The following AKR1E2 variants were observed in gnomAD, a reference collection of about 807,000 sequenced individuals.
The protein encoded by AKR1E2 is 1,5-anhydro-D-fructose reductase.
Under a neutral mutation model 41.9 loss-of-function variants are expected in AKR1E2, and 43 were observed. The ratio of observed to expected loss-of-function variants is 1.03; its 90% CI spans 0.80 to 1.32. The LOEUF is 1.32. AKR1E2 is among the 40% of genes most tolerant of loss of function. The pLI, the probability that AKR1E2 is intolerant of heterozygous loss-of-function variation, is 0.00. For synonymous variants in AKR1E2, 121 were observed against 138.9 expected (o/e 0.87, Z 0.91); for missense variants, 423 against 396.5 (o/e 1.07, Z -0.57).
chr10:4,826,839 G>A lies in AKR1E2; in HGVS notation c.39+476G>A, dbSNP rs140523578. ...GCTTGTAATCCCAGCACTTTGGGAGGCCGAGGCAGTAGGATCGCCTGAGCT... is the reference window on the plus strand; with the variant it reads ...GCTTGTAATCCCAGCACTTTGGGAGACCGAGGCAGTAGGATCGCCTGAGCT... On this transcript the variant is annotated intron_variant, in intron 1 of 9. Transcript: ENST00000298375. Among the ~76,000 whole-genome samples the A allele has an allele frequency of 2.2e-3, 340 of 152,236 alleles. 3 individuals carry two copies. The highest frequency in any genetic ancestry group is 8.0e-3 in the African/African-American group (332 of 41,558).
chr10:4,857,242 T>C, the AKR1E2 span, among the ~76,000 whole-genome samples: 1 of 152,302 alleles, frequency 6.6e-6, no homozygotes, highest in East Asian at 1.9e-4. Flanking sequence ...CCAAATCTCA[T>C]GTTCAATTGT....
At chr10:4,864,140 C>T in the AKR1E2 span, among the ~76,000 whole-genome samples, 10 of 152,118 alleles carry the variant, frequency 6.6e-5, no homozygotes, top group Admixed American at 6.5e-5. Context: ...ATACCAAAGC[C>T]TGGCAGAGAC....
At chr10:4,842,563 A>C in intron 8 of AKR1E2, 59 bp downstream of exon 8, 1 of 1,500,840 alleles carries the variant, frequency 6.7e-7, no homozygotes, top group Non-Finnish European at 9.3e-7. Flanking sequence ...ATGGGAAGGG[A>C]TGACTGCTGT....
At chr10:4,854,856 T>C in the AKR1E2 span, among the ~76,000 whole-genome samples, 1 of 151,826 alleles carries the variant, frequency 6.6e-6, no homozygotes, top group African/African-American at 2.4e-5. Context: ...TAAGGAGGGT[T>C]AGAGGCCCCT....
intron 8 of AKR1E2, 107 bp from the exon 9 acceptor site, chr10:4,847,041 C>T: frequency 3.3e-6 from 4 of 1,217,812 alleles, no homozygotes; most frequent in Non-Finnish European, 4.6e-6. Flanking sequence ...GTTTGTTTTA[C>T]ATCTTTGTGT....
intron 8 of AKR1E2, among the ~76,000 whole-genome samples, chr10:4,845,021 G>A (rs1457861980): frequency 3.3e-5 from 5 of 152,198 alleles, no homozygotes; most frequent in Non-Finnish European, 5.9e-5. Flanking sequence ...GGTCAGGGGA[G>A]GCTCAGGCAT....
chr10:4,827,656 A>G (rs1832653923), intron 1 of AKR1E2, among the ~76,000 whole-genome samples: 1 of 152,230 alleles, frequency 6.6e-6, no homozygotes, highest in Admixed American at 6.5e-5. Context: ...GAAGTCATAT[A>G]GGAAGTTAGT....
At chr10:4,855,462 G>T in the AKR1E2 span, among the ~76,000 whole-genome samples, 1 of 152,022 alleles carries the variant, frequency 6.6e-6, no homozygotes, top group African/African-American at 2.4e-5. Context: ...ACCGGATGAG[G>T]TTTCCCCCTT....
At chr10:4,867,193 T>TAG in the AKR1E2 span, among the ~76,000 whole-genome samples, 5 of 152,094 alleles carry the variant, frequency 3.3e-5, no homozygotes, top group Non-Finnish European at 5.9e-5. Context: ...CAAGATGGAG[T>TAG]CAGTTAAGTT....
At chr10:4,868,518 G>A in the AKR1E2 span, among the ~76,000 whole-genome samples, 1 of 152,166 alleles carries the variant, frequency 6.6e-6, no homozygotes, top group Non-Finnish European at 1.5e-5. Flanking sequence ...AATGGAAACA[G>A]TTTTCTTTCT....
At chr10:4,842,715 G>A (rs1588474425) in intron 8 of AKR1E2, among the ~76,000 whole-genome samples, 1 of 152,124 alleles carries the variant, frequency 6.6e-6, no homozygotes, top group African/African-American at 2.4e-5. Flanking sequence ...CTAGGGTGTT[G>A]GTGTCTTCTC....
chr10:4,850,466 G>A (rs890700753), downstream of AKR1E2, among the ~76,000 whole-genome samples: 3 of 152,328 alleles, frequency 2.0e-5, no homozygotes, highest in Admixed American at 2.0e-4. Context: ...GGGGAGGATG[G>A]CAGGGCCTCG....
At chr10:4,863,670 G>A in the AKR1E2 span, among the ~76,000 whole-genome samples, 4 of 151,744 alleles carry the variant, frequency 2.6e-5, no homozygotes, top group East Asian at 3.9e-4. Context: ...ATGAATCCAG[G>A]AGCTGGTTTT....
chr10:4,854,679 G>T, the AKR1E2 span, among the ~76,000 whole-genome samples: 337 of 152,276 alleles, frequency 2.2e-3, no homozygotes, highest in Admixed American at 4.8e-3. Flanking sequence ...CTACAGCAGT[G>T]ATCAGCGGAC....
At chr10:4,868,330 C>T in the AKR1E2 span, among the ~76,000 whole-genome samples, 1 of 152,140 alleles carries the variant, frequency 6.6e-6, no homozygotes, top group African/African-American at 2.4e-5. Flanking sequence ...CAGAGTTTCT[C>T]TCATCCATTA....
At chr10:4,854,396 C>T in the AKR1E2 span, among the ~76,000 whole-genome samples, 1 of 152,024 alleles carries the variant, frequency 6.6e-6, no homozygotes, top group Non-Finnish European at 1.5e-5. Flanking sequence ...CTGGCCTACT[C>T]CTTTACTTTC....
At chr10:4,859,031 C>T in the AKR1E2 span, among the ~76,000 whole-genome samples, 1 of 152,072 alleles carries the variant, frequency 6.6e-6, no homozygotes, top group East Asian at 1.9e-4. Context: ...ACCATGTTGG[C>T]CAGGCTGGTC....
chr10:4,841,478 G>A lies in AKR1E2; in HGVS notation c.681-307G>A, dbSNP rs570148463. On this transcript the variant is annotated intron_variant, in intron 6 of 9. Coordinates refer to ENST00000298375, the MANE Select transcript of AKR1E2 (RefSeq NM_001040177.3). ...GAAGTCAGAGAGCCCTGAGAGTCGGGGGAGTCAAAGCTTGAGAGCCCACTG... is the reference window on the plus strand; with the variant it reads ...GAAGTCAGAGAGCCCTGAGAGTCGGAGGAGTCAAAGCTTGAGAGCCCACTG... Among the ~76,000 whole-genome samples, 18 of 152,236 alleles carry A rather than the reference G, an allele frequency of 1.2e-4. No individual in the cohort carries two copies. In the South Asian group the frequency reaches 2.7e-3, roughly 23 times the overall value.
At chr10:4,830,389 T>C (rs1457769773) in intron 1 of AKR1E2, among the ~76,000 whole-genome samples, 1 of 152,214 alleles carries the variant, frequency 6.6e-6, no homozygotes, top group Non-Finnish European at 1.5e-5. Context: ...CTGTACTTTT[T>C]TATTGCTTTG....
Sources: gnomAD v4.1 joint callset for allele counts (sites outside exome capture counted in the v4.1 genomes callset) on GRCh38, gnomAD v4.1.1 for gene constraint, MANE v1.5 for transcripts, NCBI Gene and HGNC (gene_info 2026-07-23, HGNC 2026-07-21) for gene names.